CACNA2D3: variants seen among roughly 807,000 people sequenced by gnomAD.
The protein encoded by CACNA2D3 is calcium voltage-gated channel auxiliary subunit alpha2delta 3, also known as voltage-dependent calcium channel subunit alpha-2/delta-3.
CACNA2D3 carries 60 observed loss-of-function variants against 160.6 expected under a neutral mutation model. The ratio of observed to expected loss-of-function variants is 0.37; its 90% CI spans 0.30 to 0.46. CACNA2D3 has a LOEUF of 0.46. Ranked by LOEUF, CACNA2D3 falls within the 20% of genes least tolerant of loss-of-function variation. The pLI is 1.00. For missense variants in CACNA2D3, 1,205 were observed against 1,365.0 expected (o/e 0.88, Z 1.85); for synonymous variants, 558 against 492.9 (o/e 1.13, Z -1.75).
intron 27 of CACNA2D3, among the ~76,000 whole-genome samples, chr3:54,902,491 A>G (rs1409715625): frequency 2.0e-5 from 3 of 152,144 alleles, no homozygotes; most frequent in Non-Finnish European, 2.9e-5. Flanking sequence ...GACATTGCTT[A>G]CAGTCCTTCT....
At chr3:54,976,345 G>A (rs917261042) in intron 29 of CACNA2D3, among the ~76,000 whole-genome samples, 1 of 116,480 alleles carries the variant, frequency 8.6e-6, no homozygotes, top group Non-Finnish European at 1.7e-5. Context: ...GTGGGGGGAG[G>A]GGGGAGAGAT....
At chr3:54,425,310 G>C (rs1450722785) in intron 4 of CACNA2D3, among the ~76,000 whole-genome samples, 1 of 152,152 alleles carries the variant, frequency 6.6e-6, no homozygotes, top group African/African-American at 2.4e-5. Context: ...CAGCCCGGGT[G>C]ACAAGAGTGA....
chr3:54,908,037 C>T (rs1700483286), intron 27 of CACNA2D3, among the ~76,000 whole-genome samples: 1 of 152,160 alleles, frequency 6.6e-6, no homozygotes, highest in Non-Finnish European at 1.5e-5. Context: ...TGTTTTTGTG[C>T]AGACCTATGT....
At chr3:54,621,662 C>T (rs72868890) in intron 9 of CACNA2D3, among the ~76,000 whole-genome samples, 2,740 of 152,286 alleles carry the variant, frequency 0.018, 95 homozygotes, top group African/African-American at 0.062. Context: ...CTGACTTGGG[C>T]GATCTGGAGC....
intron 12 of CACNA2D3, among the ~76,000 whole-genome samples, chr3:54,762,324 C>G (rs1219025983): frequency 6.6e-6 from 1 of 152,154 alleles, no homozygotes; most frequent in African/African-American, 2.4e-5. Context: ...TATTTATATT[C>G]CTTGTTTTGC....
At chr3:54,159,617 C>G (rs1396086863) in intron 2 of CACNA2D3, among the ~76,000 whole-genome samples, 1 of 152,154 alleles carries the variant, frequency 6.6e-6, no homozygotes, top group African/African-American at 2.4e-5. Flanking sequence ...GCAATTATGA[C>G]AGAATCATCA....
chr3:54,927,329 C>G (rs1701050681), intron 27 of CACNA2D3, among the ~76,000 whole-genome samples: 1 of 152,100 alleles, frequency 6.6e-6, no homozygotes, highest in Admixed American at 6.5e-5. Context: ...CATCACAGTC[C>G]CCTTCCCCTT....
At chr3:54,279,266 C>A (rs1702817093) in intron 2 of CACNA2D3, among the ~76,000 whole-genome samples, 1 of 152,130 alleles carries the variant, frequency 6.6e-6, no homozygotes, top group Non-Finnish European at 1.5e-5. Flanking sequence ...ATAATTGAAA[C>A]ATTACGAGTG....
At position 54,852,325 on chromosome 3, in the gene CACNA2D3, G is replaced by A. The variant is rs188237655; in HGVS notation, c.1626+5858G>A. Among the ~76,000 whole-genome samples, 345 of 152,350 alleles carry A rather than the reference G, an allele frequency of 2.3e-3. 1 individual carries two copies. Among genetic ancestry groups the A allele is most frequent in the Non-Finnish European group, 1.6e-3 (106 of 68,034 alleles). On this transcript the variant is annotated intron_variant, in intron 17 of 37. Transcript: ENST00000474759. ...CCATCTAGACTTCCGCAGACAAACT[G>A]TCATGGAGGCCAGTGGGTGGAAAGC...
chr3:54,479,463 G>A (rs1266486536), intron 4 of CACNA2D3, among the ~76,000 whole-genome samples: 1 of 152,206 alleles, frequency 6.6e-6, no homozygotes, highest in Non-Finnish European at 1.5e-5. Flanking sequence ...CATAGCAGAA[G>A]AAATATGGAA....
At chr3:54,909,935 G>A (rs1700522565) in intron 27 of CACNA2D3, among the ~76,000 whole-genome samples, 1 of 152,118 alleles carries the variant, frequency 6.6e-6, no homozygotes, top group Admixed American at 6.5e-5. Context: ...TGACTTGACT[G>A]AAAGTCCAGT....
At chr3:54,310,907 T>C (rs924269922) in intron 2 of CACNA2D3, among the ~76,000 whole-genome samples, 3 of 152,180 alleles carry the variant, frequency 2.0e-5, no homozygotes, top group Non-Finnish European at 4.4e-5. Flanking sequence ...GCTGATCAAC[T>C]TGTTACGTGG....
At chr3:54,675,423 T>C (rs1455556299) in intron 11 of CACNA2D3, among the ~76,000 whole-genome samples, 1 of 152,146 alleles carries the variant, frequency 6.6e-6, no homozygotes, top group Non-Finnish European at 1.5e-5. Flanking sequence ...ATCTAGGTGT[T>C]GAGGGCTGAC....
rs187077916 is a variant in CACNA2D3 at position 54,606,299 on chromosome 3, G to A, written c.964-21488G>A. Among the ~76,000 whole-genome samples, 69 of 152,062 alleles carry A rather than the reference G, an allele frequency of 4.5e-4. No individual in the cohort carries two copies. The East Asian group carries it at 0.011, about 23-fold the overall frequency. On this transcript the variant is annotated intron_variant, in intron 9 of 37. Coordinates refer to ENST00000474759, the MANE Select transcript of CACNA2D3 (RefSeq NM_018398.3). ...GTACTATAAGAAGGTTGGAATAGTC[G>A]ATAGAGGAAGTCTCTTTCAGCACAA...
At position 54,431,642 on chromosome 3, in the gene CACNA2D3, T is replaced by G. The variant is rs79631122; in HGVS notation, c.381+44868T>G. Among the ~76,000 whole-genome samples, 215 of 152,320 alleles carry G rather than the reference T, an allele frequency of 1.4e-3. 1 individual carries two copies. The highest frequency in any genetic ancestry group is 4.9e-3 in the African/African-American group (204 of 41,570). The stretch of plus-strand genomic sequence containing the variant: ...TTATTTTTATTTATTTTAGACAGTC[T>G]CGCTGTGTTGCCCAGGCTGGAGTGC... On this transcript the variant is annotated intron_variant, in intron 4 of 37. Transcript: ENST00000474759.
At chr3:54,992,788 A>AG (rs1491213130) in intron 31 of CACNA2D3, among the ~76,000 whole-genome samples, 3 of 151,656 alleles carry the variant, frequency 2.0e-5, no homozygotes, top group African/African-American at 7.3e-5. Flanking sequence ...AAGAAAAAAA[A>AG]AAAAAAGAAA....
At chr3:54,889,768 T>G (rs1237611753) in intron 24 of CACNA2D3, among the ~76,000 whole-genome samples, 1 of 152,222 alleles carries the variant, frequency 6.6e-6, no homozygotes, top group Non-Finnish European at 1.5e-5. Flanking sequence ...ATGGATCTTA[T>G]TTCCTGGGAA....
intron 4 of CACNA2D3, among the ~76,000 whole-genome samples, chr3:54,443,330 G>T (rs944226219): frequency 6.7e-6 from 1 of 148,558 alleles, no homozygotes; most frequent in Non-Finnish European, 1.5e-5. Context: ...GTGTATGCAT[G>T]TCTGTGTGTG....
chr3:55,031,572 G>A (rs930161183), intron 35 of CACNA2D3, among the ~76,000 whole-genome samples: 6 of 152,124 alleles, frequency 3.9e-5, no homozygotes, highest in Non-Finnish European at 5.9e-5. Flanking sequence ...GCTTTTCTTT[G>A]GGACTTGAAT....
Sources: gnomAD v4.1 joint callset for allele counts (sites outside exome capture counted in the v4.1 genomes callset) on GRCh38, gnomAD v4.1.1 for gene constraint, MANE v1.5 for transcripts, NCBI Gene and HGNC (gene_info 2026-07-23, HGNC 2026-07-21) for gene names.